NCKAP5: variants seen among roughly 807,000 people sequenced by gnomAD.
The protein encoded by NCKAP5 is NCK associated protein 5.
NCKAP5 carries 92 observed loss-of-function variants against 167.0 expected under a neutral mutation model. The ratio of observed to expected loss-of-function variants is 0.55; its 90% CI spans 0.47 to 0.66. The LOEUF is 0.66. Ranked by LOEUF, NCKAP5 falls within the 30% of genes least tolerant of loss-of-function variation. The probability of loss-of-function intolerance (pLI) is 0.00; values close to 1 mark genes in which losing one functional copy is unlikely to be tolerated. For synonymous variants in NCKAP5, 891 were observed against 877.4 expected, an observed-to-expected ratio of 1.02 and a Z score of -0.27; for missense variants, 2,378 against 2,315.0, an observed-to-expected ratio of 1.03 and a Z score of -0.56.
At chr2:133,488,644 G>T (rs571611907) in intron 3 of NCKAP5, among the ~76,000 whole-genome samples, 103 of 152,206 alleles carry the variant, frequency 6.8e-4, no homozygotes, top group Middle Eastern at 3.4e-3. Context: ...ACCAGCCTGG[G>T]CAACATAGGG....
intron 5 of NCKAP5, among the ~76,000 whole-genome samples, chr2:133,166,702 A>G (rs2084015998): frequency 6.6e-6 from 1 of 152,220 alleles, no homozygotes; most frequent in Admixed American, 6.5e-5. Context: ...AAGCCATACA[A>G]TGTCTTTCAT....
chr2:133,150,258 T>C (rs1323205085), intron 5 of NCKAP5, among the ~76,000 whole-genome samples: 2 of 152,210 alleles, frequency 1.3e-5, no homozygotes, highest in Admixed American at 1.3e-4. Context: ...ACCCAGGATG[T>C]GAACCTAGTG....
At chr2:133,614,088 A>G in the NCKAP5 span, among the ~76,000 whole-genome samples, 114 of 152,302 alleles carry the variant, frequency 7.5e-4, no homozygotes, top group African/African-American at 2.6e-3. Flanking sequence ...ACAGGAACAT[A>G]TCAGGAAAAC....
At chr2:133,311,503 C>G (rs997698493) in intron 3 of NCKAP5, among the ~76,000 whole-genome samples, 6 of 152,114 alleles carry the variant, frequency 3.9e-5, no homozygotes. Context: ...CTGATTACAT[C>G]ATTGGCCATT....
intron 8 of NCKAP5, among the ~76,000 whole-genome samples, chr2:132,910,349 C>T (rs1008824727): frequency 6.6e-6 from 1 of 151,936 alleles, no homozygotes; most frequent in African/African-American, 2.4e-5. Flanking sequence ...TATAGTAGCT[C>T]TTACACATTC....
chr2:132,961,676 A>C (rs2076514854), intron 8 of NCKAP5, among the ~76,000 whole-genome samples: 1 of 152,222 alleles, frequency 6.6e-6, no homozygotes, highest in Non-Finnish European at 1.5e-5. Flanking sequence ...TACTCACTAC[A>C]GTTTAAGAAA....
intron 4 of NCKAP5, among the ~76,000 whole-genome samples, chr2:133,235,521 G>C (rs2087361575): frequency 6.6e-6 from 1 of 151,960 alleles, no homozygotes; most frequent in South Asian, 2.1e-4. Flanking sequence ...GGATCGCTTT[G>C]AGCTTAGGAG....
At chr2:133,340,438 C>T (rs1683497547) in intron 3 of NCKAP5, among the ~76,000 whole-genome samples, 1 of 152,174 alleles carries the variant, frequency 6.6e-6, no homozygotes, top group Non-Finnish European at 1.5e-5. Context: ...GCCTTCTTTT[C>T]TTCCTCCTCT....
At chr2:132,974,843 T>C (rs1288132656) in intron 7 of NCKAP5, among the ~76,000 whole-genome samples, 1 of 152,240 alleles carries the variant, frequency 6.6e-6, no homozygotes, top group Non-Finnish European at 1.5e-5. Flanking sequence ...ACCACTTCCA[T>C]AGTTAATGAT....
In NCKAP5 at chr2:132,992,572, G is replaced by A. The variant is rs1365573134; in HGVS notation, c.429+1580C>T. On this transcript the variant is annotated intron_variant, in intron 7 of 19. Coordinates refer to ENST00000409261, the MANE Select transcript of NCKAP5 (RefSeq NM_207363.3). ...CAGATTCATATGACCCTTTCAGGCT[G>A]CATCGAACCATTCAATGCAGAATCG... Among the ~76,000 whole-genome samples, 9 of 152,180 alleles carry A rather than the reference G, an allele frequency of 5.9e-5. No individual in the cohort carries two copies. In the East Asian group the frequency reaches 1.2e-3, roughly 20 times the overall value.
At chr2:133,138,192 A>G (rs1281220809) in intron 5 of NCKAP5, among the ~76,000 whole-genome samples, 1 of 152,190 alleles carries the variant, frequency 6.6e-6, no homozygotes, top group African/African-American at 2.4e-5. Flanking sequence ...GGTACTATGA[A>G]TTAAAGAATA....
chr2:133,611,125 G>A, the NCKAP5 span, among the ~76,000 whole-genome samples: 1 of 151,266 alleles, frequency 6.6e-6, no homozygotes, highest in Admixed American at 6.6e-5. Flanking sequence ...GTTAATGCCC[G>A]AAAAAAAAAG....
chr2:132,870,998 C>A (rs368543705), intron 9 of NCKAP5, among the ~76,000 whole-genome samples: 3 of 151,922 alleles, frequency 2.0e-5, no homozygotes, highest in Non-Finnish European at 4.4e-5. Context: ...ACATTGCAGA[C>A]ATTAAGTAAA....
the NCKAP5 span, among the ~76,000 whole-genome samples, chr2:133,653,888 G>A: frequency 6.6e-6 from 1 of 152,152 alleles, no homozygotes; most frequent in East Asian, 1.9e-4. Flanking sequence ...AGATCAGGTA[G>A]TCTAGCCATC....
At chr2:133,031,329 T>A (rs2078872678) in intron 6 of NCKAP5, among the ~76,000 whole-genome samples, 1 of 151,814 alleles carries the variant, frequency 6.6e-6, no homozygotes, top group Admixed American at 6.6e-5. Context: ...AGCATCAAAT[T>A]CAGTGCTATC....
At chr2:132,775,882 T>C (rs996998609) in intron 15 of NCKAP5, among the ~76,000 whole-genome samples, 1 of 152,232 alleles carries the variant, frequency 6.6e-6, no homozygotes, top group African/African-American at 2.4e-5. Context: ...CCTTTGGGTT[T>C]TTCCAAATTT....
chr2:133,202,126 C>T (rs1258553074), intron 5 of NCKAP5, among the ~76,000 whole-genome samples: 4 of 152,156 alleles, frequency 2.6e-5, no homozygotes, highest in African/African-American at 4.8e-5. Context: ...TGCTACCTGA[C>T]TTCAAACTAT....
In NCKAP5 at chr2:133,110,777, A is replaced by C. The variant is rs181093653; in HGVS notation, c.341+19201T>G. Among the ~76,000 whole-genome samples the C allele has an allele frequency of 3.3e-3, 496 of 152,334 alleles. 6 individuals are homozygous for C. The highest frequency in any genetic ancestry group is 0.011 in the African/African-American group (466 of 41,584). On this transcript the variant is annotated intron_variant, in intron 6 of 19. Coordinates refer to ENST00000409261, the MANE Select transcript of NCKAP5 (RefSeq NM_207363.3). The stretch of plus-strand genomic sequence containing the variant: ...GTATTCTCACACGCTGTGTTAGTTA[A>C]GGCTGCCATAACAAAATACCACAGA...
At chr2:133,050,861 CCTTT>C in intron 6 of NCKAP5, among the ~76,000 whole-genome samples, 1 of 152,242 alleles carries the variant, frequency 6.6e-6, no homozygotes, top group Admixed American at 6.5e-5. Flanking sequence ...TATTTGTTAA[CCTTT>C]CTTTGTCTCG....
Sources: gnomAD v4.1 joint callset for allele counts (sites outside exome capture counted in the v4.1 genomes callset) on GRCh38, gnomAD v4.1.1 for gene constraint, MANE v1.5 for transcripts, NCBI Gene and HGNC (gene_info 2026-07-23, HGNC 2026-07-21) for gene names.